Variants in ADAMTS19 observed in about 807,000 individuals in gnomAD.
ADAMTS19 encodes the protein ADAM metallopeptidase with thrombospondin type 1 motif 19, also known as A disintegrin and metalloproteinase with thrombospondin motifs 19.
A neutral mutation model predicts 153.3 loss-of-function variants in ADAMTS19; 93 were observed. The ratio of observed to expected loss-of-function variants is 0.61; its 90% CI spans 0.51 to 0.72. The LOEUF (loss-of-function observed/expected upper bound fraction) is 0.72, where lower values mean the gene tolerates loss of function less well. Ranked by LOEUF, ADAMTS19 falls within the 30% of genes least tolerant of loss-of-function variation. The pLI is 0.00. For synonymous variants in ADAMTS19, 600 were observed against 556.6 expected (o/e 1.08, Z -1.10); for missense variants, 1,482 against 1,552.1 (o/e 0.95, Z 0.76).
intron 7 of ADAMTS19, among the ~76,000 whole-genome samples, chr5:129,561,778 T>A (rs1273281703): frequency 2.6e-5 from 4 of 152,158 alleles, no homozygotes; most frequent in Non-Finnish European, 4.4e-5. Flanking sequence ...ATTAGTTCAC[T>A]GAGTCAGGCA....
chr5:129,686,095 T>C (rs1217366203), intron 18 of ADAMTS19, among the ~76,000 whole-genome samples: 4 of 152,184 alleles, frequency 2.6e-5, no homozygotes, highest in African/African-American at 9.7e-5. Context: ...GGAGTAATAG[T>C]CTGTTTAAAG....
At chr5:129,578,031 C>T (rs1749239482) in intron 7 of ADAMTS19, among the ~76,000 whole-genome samples, 1 of 133,480 alleles carries the variant, frequency 7.5e-6, no homozygotes, top group African/African-American at 3.1e-5. Context: ...TATTGATTTT[C>T]AAACTTACAT....
intron 7 of ADAMTS19, among the ~76,000 whole-genome samples, chr5:129,561,819 A>ATCTAT (rs138761227): frequency 2.0e-5 from 3 of 148,060 alleles, no homozygotes; most frequent in African/African-American, 7.5e-5. Flanking sequence ...ATTTCACCCT[A>ATCTAT]CTATCTATCT....
intron 21 of ADAMTS19, among the ~76,000 whole-genome samples, chr5:129,725,422 G>T (rs915000372): frequency 2.6e-5 from 4 of 152,024 alleles, no homozygotes; most frequent in African/African-American, 9.7e-5. Flanking sequence ...TTGCATGCAT[G>T]CTCACTTTAA....
rs1448301499 is a variant in ADAMTS19, at chr5:129,615,993, T to C, written c.1479-4625T>C. On this transcript the variant is annotated intron_variant, in intron 8 of 22. Transcript: ENST00000274487. ...ATTGTTAGATAAACCTGTAATATAA[T>C]GCACGACAACGTCAAAAGGAATCTC... Among the ~76,000 whole-genome samples, 18 of 152,096 alleles carry C rather than the reference T, an allele frequency of 1.2e-4. No individual in the cohort carries two copies. In the South Asian group the frequency reaches 1.5e-3, roughly 12 times the overall value.
chr5:129,513,871 G>A (rs967604159), intron 3 of ADAMTS19, among the ~76,000 whole-genome samples: 1 of 151,984 alleles, frequency 6.6e-6, no homozygotes, highest in African/African-American at 2.4e-5. Context: ...CTATCAAATA[G>A]TAGGTCTTAT....
At chr5:129,618,672 T>C (rs1004417579) in intron 8 of ADAMTS19, among the ~76,000 whole-genome samples, 1 of 152,024 alleles carries the variant, frequency 6.6e-6, no homozygotes, top group African/African-American at 2.4e-5. Context: ...TCTTTTAATT[T>C]CATGTTTTAA....
intron 8 of ADAMTS19, among the ~76,000 whole-genome samples, chr5:129,613,758 G>T (rs1751356074): frequency 6.6e-6 from 1 of 152,026 alleles, no homozygotes; most frequent in South Asian, 2.1e-4. Context: ...CTGGTTTTTT[G>T]AAAAGATCAA....
At chr5:129,691,716 A>G (rs1192936618) in intron 18 of ADAMTS19, among the ~76,000 whole-genome samples, 2 of 152,132 alleles carry the variant, frequency 1.3e-5, no homozygotes, top group Admixed American at 1.3e-4. Flanking sequence ...TACAATGTAA[A>G]TGGAAATGTC....
chr5:129,595,991 C>A (rs1382679954), intron 7 of ADAMTS19, among the ~76,000 whole-genome samples: 2 of 151,804 alleles, frequency 1.3e-5, no homozygotes, highest in African/African-American at 4.8e-5. Flanking sequence ...ATGCAACACA[C>A]CATTTAGCCA....
chr5:129,518,105 A>G (rs1751674719), intron 3 of ADAMTS19, among the ~76,000 whole-genome samples: 1 of 152,042 alleles, frequency 6.6e-6, no homozygotes, highest in South Asian at 2.1e-4. Flanking sequence ...TTTGTACCCC[A>G]ACTTTTTAAA....
chr5:129,710,332 A>C (rs1581250648), intron 21 of ADAMTS19, among the ~76,000 whole-genome samples: 1 of 152,168 alleles, frequency 6.6e-6, no homozygotes, highest in Admixed American at 6.5e-5. Flanking sequence ...ATAGTATTCC[A>C]TGGTGTATAT....
At chr5:129,598,239 G>T (rs947829138) in intron 8 of ADAMTS19, among the ~76,000 whole-genome samples, 8 of 152,110 alleles carry the variant, frequency 5.3e-5, no homozygotes, top group Admixed American at 5.2e-4. Flanking sequence ...AGCTGTGTAG[G>T]ATCTGTACCC....
At chr5:129,717,857 T>C (rs1756801153) in intron 21 of ADAMTS19, among the ~76,000 whole-genome samples, 1 of 152,190 alleles carries the variant, frequency 6.6e-6, no homozygotes, top group South Asian at 2.1e-4. Context: ...AAACACACAG[T>C]TCTCTCTCAC....
At chr5:129,520,836 C>T (rs1186476370) in intron 3 of ADAMTS19, among the ~76,000 whole-genome samples, 3 of 152,070 alleles carry the variant, frequency 2.0e-5, no homozygotes, top group Non-Finnish European at 4.4e-5. Flanking sequence ...TGAAGCTCAT[C>T]GCTCAGGACC....
chr5:129,719,215 C>T (rs1756867303), intron 21 of ADAMTS19, among the ~76,000 whole-genome samples: 1 of 152,084 alleles, frequency 6.6e-6, no homozygotes, highest in Non-Finnish European at 1.5e-5. Context: ...AAGTATTTAA[C>T]ATGACATTTA....
At chr5:129,499,983 CATA>C (rs1174381333) in intron 2 of ADAMTS19, among the ~76,000 whole-genome samples, 1 of 152,056 alleles carries the variant, frequency 6.6e-6, no homozygotes, top group African/African-American at 2.4e-5. Flanking sequence ...ACTCAAGGGT[CATA>C]ATAAAACTCT....
intron 6 of ADAMTS19, among the ~76,000 whole-genome samples, chr5:129,531,578 T>A (rs1319757006): frequency 6.6e-6 from 1 of 152,114 alleles, no homozygotes; most frequent in Non-Finnish European, 1.5e-5. Context: ...TGAGCCAAGA[T>A]TGCGCTACTG....
intron 21 of ADAMTS19, among the ~76,000 whole-genome samples, chr5:129,715,068 A>C (rs562099322): frequency 6.6e-6 from 1 of 152,350 alleles, no homozygotes; most frequent in South Asian, 2.1e-4. Flanking sequence ...TGTAGTGTCA[A>C]CAAAGGTTAT....
Sources: gnomAD v4.1 joint callset for allele counts (sites outside exome capture counted in the v4.1 genomes callset) on GRCh38, gnomAD v4.1.1 for gene constraint, MANE v1.5 for transcripts, NCBI Gene and HGNC (gene_info 2026-07-23, HGNC 2026-07-21) for gene names.